Variants in UNC5D observed in about 807,000 individuals in gnomAD.
UNC5D encodes the protein unc-5 netrin receptor D, also known as netrin receptor UNC5D.
A neutral mutation model predicts 105.4 loss-of-function variants in UNC5D; 39 were observed. The observed-to-expected ratio is 0.37, with a 90% confidence interval of 0.29 to 0.48. UNC5D has a LOEUF of 0.48. Among genes scored for constraint, UNC5D ranks in the 20% least tolerant of loss-of-function variants. The pLI, the probability that UNC5D is intolerant of heterozygous loss-of-function variation, is 0.98. For synonymous variants in UNC5D, 452 were observed against 450.4 expected (o/e 1.00, Z -0.04); for missense variants, 991 against 1,202.4 (o/e 0.82, Z 2.60).
intron 3 of UNC5D, among the ~76,000 whole-genome samples, chr8:35,580,445 AAAAC>A (rs1398944476): frequency 6.6e-6 from 1 of 151,578 alleles, no homozygotes; most frequent in Non-Finnish European, 1.5e-5. Flanking sequence ...ATGAGGAAAA[AAAAC>A]AAAAACAAAA....
At chr8:35,617,096 C>A (rs1039917120) in intron 4 of UNC5D, among the ~76,000 whole-genome samples, 24 of 152,174 alleles carry the variant, frequency 1.6e-4, no homozygotes, top group African/African-American at 5.3e-4. Context: ...CACCCCGATT[C>A]ACTTAGCAAA....
chr8:35,269,344 G>A (rs1805110542), intron 1 of UNC5D, among the ~76,000 whole-genome samples: 1 of 152,140 alleles, frequency 6.6e-6, no homozygotes, highest in Admixed American at 6.5e-5. Flanking sequence ...TGTCTGGGGT[G>A]TGCACTCTCC....
At chr8:35,765,406 C>T (rs1210370714) in intron 14 of UNC5D, among the ~76,000 whole-genome samples, 1 of 152,188 alleles carries the variant, frequency 6.6e-6, no homozygotes, top group Non-Finnish European at 1.5e-5. Context: ...ACCTTCTCTA[C>T]ATCCTTCTTG....
At chr8:35,652,915 A>ATTTTTTTTTT (rs34611902) in intron 4 of UNC5D, among the ~76,000 whole-genome samples, 2 of 49,144 alleles carry the variant, frequency 4.1e-5, no homozygotes, top group Non-Finnish European at 3.8e-5. Flanking sequence ...ACAAGTGAGG[A>ATTTTTTTTTT]TTTTTTTTTT....
At chr8:35,466,655 T>G (rs1322557242) in intron 1 of UNC5D, among the ~76,000 whole-genome samples, 3 of 152,230 alleles carry the variant, frequency 2.0e-5, no homozygotes, top group African/African-American at 7.2e-5. Flanking sequence ...CAATTTTTAG[T>G]TGAAAATGAG....
chr8:35,498,134 G>T (rs1811732436), intron 1 of UNC5D, among the ~76,000 whole-genome samples: 1 of 141,276 alleles, frequency 7.1e-6, no homozygotes, highest in Non-Finnish European at 1.5e-5. Context: ...CAGGAGCAAA[G>T]TGAAGAGAAT....
intron 1 of UNC5D, among the ~76,000 whole-genome samples, chr8:35,333,391 C>T (rs1810779156): frequency 6.6e-6 from 1 of 152,070 alleles, no homozygotes; most frequent in Non-Finnish European, 1.5e-5. Flanking sequence ...TAGGCCCCTT[C>T]CAAATCCTGA....
intron 4 of UNC5D, among the ~76,000 whole-genome samples, chr8:35,676,792 A>C (rs184085054): frequency 6.6e-6 from 1 of 152,108 alleles, no homozygotes; most frequent in African/African-American, 2.4e-5. Flanking sequence ...AATTAAATCC[A>C]GTGTAGGGCA....
At chr8:35,557,897 C>A (rs996741228) in intron 2 of UNC5D, among the ~76,000 whole-genome samples, 3 of 151,890 alleles carry the variant, frequency 2.0e-5, no homozygotes, top group Non-Finnish European at 4.4e-5. Context: ...TTTGGGAGGC[C>A]GAGGCGGGTG....
intron 11 of UNC5D, among the ~76,000 whole-genome samples, chr8:35,746,350 A>C (rs1484267837): frequency 1.3e-5 from 2 of 152,118 alleles, no homozygotes; most frequent in Non-Finnish European, 2.9e-5. Flanking sequence ...AAAAGGGCAT[A>C]TTGTTATTAA....
intron 1 of UNC5D, among the ~76,000 whole-genome samples, chr8:35,423,282 A>G (rs966878617): frequency 6.6e-6 from 1 of 152,188 alleles, no homozygotes; most frequent in African/African-American, 2.4e-5. Context: ...GCCCTTGAGC[A>G]TCTTCACAGA....
At chr8:35,657,829 C>CTA (rs1012644039) in intron 4 of UNC5D, among the ~76,000 whole-genome samples, 5 of 152,100 alleles carry the variant, frequency 3.3e-5, no homozygotes, top group African/African-American at 1.2e-4. Context: ...TAGCAAATAT[C>CTA]TATACATTTG....
chr8:35,690,622 G>C (rs1044839737), intron 7 of UNC5D, among the ~76,000 whole-genome samples: 3 of 152,112 alleles, frequency 2.0e-5, no homozygotes, highest in African/African-American at 7.2e-5. Context: ...CTGTCTCAAA[G>C]AATAAATAAA....
At chr8:35,287,391 T>C (rs1806678720) in intron 1 of UNC5D, among the ~76,000 whole-genome samples, 1 of 152,106 alleles carries the variant, frequency 6.6e-6, no homozygotes, top group Admixed American at 6.6e-5. Flanking sequence ...GAAAACAGTT[T>C]ATAAACAAAA....
chr8:35,633,648 G>T (rs1034656522), intron 4 of UNC5D, among the ~76,000 whole-genome samples: 7 of 152,084 alleles, frequency 4.6e-5, no homozygotes, highest in Non-Finnish European at 7.4e-5. Flanking sequence ...CTAGCTACTT[G>T]GGAGGCTGAG....
chr8:35,537,767 A>G (rs1814949686), intron 1 of UNC5D, among the ~76,000 whole-genome samples: 2 of 151,038 alleles, frequency 1.3e-5, no homozygotes, highest in Non-Finnish European at 3.0e-5. Flanking sequence ...ACAAATTAAA[A>G]TATTAAAAAT....
chr8:35,316,931 A>G (rs1161774017), intron 1 of UNC5D, among the ~76,000 whole-genome samples: 1 of 152,206 alleles, frequency 6.6e-6, no homozygotes, highest in African/African-American at 2.4e-5. Context: ...AAGCCAATAT[A>G]TGAAAGAAAT....
Position 35,684,757 on chromosome 8 carries a change from A to AT in UNC5D, c.919+9dup. ...GCACTTCTCTTTGTCCTGGTGAGAT[A>AT]TATGCAGATTCCCTTTTCCCTTCTG... On this transcript the variant is annotated intron_variant, in intron 6 of 16. Transcript: ENST00000404895. The AT allele has an allele frequency of 6.2e-7, 1 of 1,604,918 alleles. No homozygotes were observed. The highest frequency in any genetic ancestry group is 1.1e-5 in the South Asian group (1 of 89,326).
chr8:35,540,662 C>G (rs1264649676), intron 1 of UNC5D, among the ~76,000 whole-genome samples: 1 of 152,140 alleles, frequency 6.6e-6, no homozygotes, highest in Non-Finnish European at 1.5e-5. Flanking sequence ...GGTTAAATCA[C>G]TGTATGTTTC....
Sources: allele counts gnomAD v4.1 joint callset (sites outside exome capture counted in the v4.1 genomes callset), GRCh38; gene constraint gnomAD v4.1.1; transcripts MANE v1.5; gene names NCBI Gene and HGNC (gene_info 2026-07-23, HGNC 2026-07-21).